ROBO1: variants seen among roughly 807,000 people sequenced by gnomAD.
The protein encoded by ROBO1 is roundabout homolog 1.
ROBO1 carries 149 observed loss-of-function variants against 195.9 expected under a neutral mutation model. The observed-to-expected ratio is 0.76, with a 90% CI of 0.67 to 0.87. The LOEUF (loss-of-function observed/expected upper bound fraction) is 0.87, where lower values mean the gene tolerates loss of function less well. ROBO1 is among the 40% of genes least tolerant of loss of function. The pLI, the probability that ROBO1 is intolerant of heterozygous loss-of-function variation, is 0.00. For synonymous variants in ROBO1, 816 were observed against 733.2 expected (o/e 1.11, Z -1.82); for missense variants, 1,933 against 2,068.3 (o/e 0.93, Z 1.27).
At chr3:79,059,726 C>G (rs556691350) in intron 3 of ROBO1, among the ~76,000 whole-genome samples, 1 of 152,138 alleles carries the variant, frequency 6.6e-6, no homozygotes, top group South Asian at 2.1e-4. Flanking sequence ...TTATAATTTC[C>G]TATGCCTGTC....
intron 3 of ROBO1, among the ~76,000 whole-genome samples, chr3:78,971,644 A>G (rs2076768672): frequency 6.6e-6 from 1 of 152,206 alleles, no homozygotes; most frequent in Admixed American, 6.5e-5. Context: ...ACACAAAACC[A>G]AAACGTTTAG....
At chr3:78,654,726 T>G (rs370066673) in intron 18 of ROBO1, among the ~76,000 whole-genome samples, 1 of 152,174 alleles carries the variant, frequency 6.6e-6, no homozygotes, top group South Asian at 2.1e-4. Flanking sequence ...TGGAACTCAT[T>G]TGTAATTTCA....
intron 1 of ROBO1, among the ~76,000 whole-genome samples, chr3:79,630,916 A>C (rs1463429219): frequency 6.6e-6 from 1 of 151,918 alleles, no homozygotes; most frequent in Non-Finnish European, 1.5e-5. Flanking sequence ...TATATTCAAC[A>C]ACCCAGATGA....
At chr3:79,040,648 G>A (rs1201706376) in intron 3 of ROBO1, among the ~76,000 whole-genome samples, 2 of 151,898 alleles carry the variant, frequency 1.3e-5, no homozygotes, top group African/African-American at 4.8e-5. Context: ...TATTTCATAT[G>A]TATCTGCTGT....
intron 4 of ROBO1, among the ~76,000 whole-genome samples, chr3:78,919,887 T>G (rs573731061): frequency 3.3e-4 from 50 of 152,324 alleles, no homozygotes; most frequent in African/African-American, 1.1e-3. Context: ...TTGCTAATAA[T>G]GCATAGATAT....
At chr3:79,292,907 G>T (rs1335504458) in intron 2 of ROBO1, among the ~76,000 whole-genome samples, 1 of 152,152 alleles carries the variant, frequency 6.6e-6, no homozygotes, top group Non-Finnish European at 1.5e-5. Context: ...AGTTAGGGGG[G>T]AGTCCCTCTT....
At chr3:79,151,030 T>C (rs1464495564) in intron 2 of ROBO1, among the ~76,000 whole-genome samples, 2 of 151,796 alleles carry the variant, frequency 1.3e-5, no homozygotes, top group Non-Finnish European at 2.9e-5. Flanking sequence ...TTCTCCGTAC[T>C]GTTCACGTGG....
intron 3 of ROBO1, among the ~76,000 whole-genome samples, chr3:79,065,618 T>G (rs1486686077): frequency 1.3e-5 from 2 of 151,948 alleles, no homozygotes; most frequent in Non-Finnish European, 2.9e-5. Context: ...AGGACTCTAT[T>G]GGTCAAAGGT....
chr3:79,681,121 T>G (rs1946933837), intron 1 of ROBO1, among the ~76,000 whole-genome samples: 1 of 152,036 alleles, frequency 6.6e-6, no homozygotes, highest in African/African-American at 2.4e-5. Flanking sequence ...GAGCTGATAT[T>G]TAAGTTTAGA....
intron 3 of ROBO1, among the ~76,000 whole-genome samples, chr3:78,975,016 G>C (rs2076854199): frequency 6.6e-6 from 1 of 152,056 alleles, no homozygotes; most frequent in South Asian, 2.1e-4. Context: ...TTAAATCAGA[G>C]CCAGAAAGTT....
chr3:79,047,556 G>C (rs1338498991), intron 3 of ROBO1, among the ~76,000 whole-genome samples: 1 of 152,122 alleles, frequency 6.6e-6, no homozygotes, highest in East Asian at 1.9e-4. Context: ...GATCAAAGCA[G>C]TACCTGAATT....
intron 2 of ROBO1, among the ~76,000 whole-genome samples, chr3:79,430,117 T>C (rs190680700): frequency 1.3e-5 from 2 of 152,098 alleles, no homozygotes; most frequent in Admixed American, 1.3e-4. Flanking sequence ...GTTTTATAAT[T>C]TTACAAAATA....
chr3:79,034,689 G>A (rs2078353237), intron 3 of ROBO1, among the ~76,000 whole-genome samples: 1 of 151,866 alleles, frequency 6.6e-6, no homozygotes, highest in Non-Finnish European at 1.5e-5. Flanking sequence ...ATAATAACTG[G>A]GAGCTACTTG....
At chr3:79,111,369 G>C (rs1224478968) in intron 3 of ROBO1, among the ~76,000 whole-genome samples, 1 of 152,140 alleles carries the variant, frequency 6.6e-6, no homozygotes. Context: ...AAAGGAATTA[G>C]CTGGATGGGT....
chr3:79,426,494 C>G (rs760914316), intron 2 of ROBO1, among the ~76,000 whole-genome samples: 2 of 152,026 alleles, frequency 1.3e-5, no homozygotes, highest in Non-Finnish European at 2.9e-5. Context: ...CTCAGCCTCC[C>G]AATTAGCTGG....
intron 3 of ROBO1, among the ~76,000 whole-genome samples, chr3:79,121,608 ACT>A (rs2080117740): frequency 6.6e-6 from 1 of 151,940 alleles, no homozygotes; most frequent in Middle Eastern, 3.4e-3. Flanking sequence ...CAGTGACAAA[ACT>A]CTGATAATCT....
intron 2 of ROBO1, among the ~76,000 whole-genome samples, chr3:79,334,399 A>T (rs2034582229): frequency 6.7e-6 from 1 of 148,428 alleles, no homozygotes; most frequent in African/African-American, 2.5e-5. Context: ...ATTTCCATCT[A>T]ATATATTATC....
intron 3 of ROBO1, among the ~76,000 whole-genome samples, chr3:79,047,194 T>C (rs1392793572): frequency 1.3e-5 from 2 of 152,096 alleles, no homozygotes; most frequent in Non-Finnish European, 2.9e-5. Context: ...ATGTTTATTA[T>C]GTAGTGGGAG....
intron 2 of ROBO1, among the ~76,000 whole-genome samples, chr3:79,493,237 A>G (rs1449826253): frequency 6.6e-6 from 1 of 152,028 alleles, no homozygotes; most frequent in Non-Finnish European, 1.5e-5. Context: ...TTTATTGCCT[A>G]AATTTTAAAA....
Sources: gnomAD v4.1 joint callset for allele counts (sites outside exome capture counted in the v4.1 genomes callset) on GRCh38, gnomAD v4.1.1 for gene constraint, MANE v1.5 for transcripts, NCBI Gene and HGNC (gene_info 2026-07-23, HGNC 2026-07-21) for gene names.